Variants in NOD1 observed in about 807,000 individuals in gnomAD.
NOD1 encodes the protein nucleotide-binding oligomerization domain-containing protein 1.
NOD1 carries 70 observed loss-of-function variants against 81.2 expected under a neutral mutation model. The observed-to-expected ratio is 0.86, with a 90% CI of 0.71 to 1.05. NOD1 has a LOEUF of 1.05. Ranked by LOEUF, NOD1 falls within the 50% of genes least tolerant of loss-of-function variation. NOD1 has a pLI of 0.00. For synonymous variants in NOD1, 508 were observed against 526.9 expected (o/e 0.96, Z 0.49); for missense variants, 1,233 against 1,228.0 (o/e 1.00, Z -0.06).
At chr7:30,425,861 C>T in intron 13 of NOD1, 151 bp from the exon 14 acceptor site, 1 of 675,088 alleles carries the variant, frequency 1.5e-6, no homozygotes, top group Non-Finnish European at 2.7e-6. Flanking sequence ...GCAGATAGTT[C>T]CTTCATATTA....
At chr7:30,458,164 T>G (rs1238913115) in intron 3 of NOD1, among the ~76,000 whole-genome samples, 4 of 152,180 alleles carry the variant, frequency 2.6e-5, no homozygotes, top group Non-Finnish European at 5.9e-5. Context: ...TTCATCTGAG[T>G]TATCCCAAAA....
At chr7:30,428,164 C>T (rs1253146726) in intron 13 of NOD1, among the ~76,000 whole-genome samples, 1 of 152,180 alleles carries the variant, frequency 6.6e-6, no homozygotes, top group African/African-American at 2.4e-5. Flanking sequence ...GCCTTGATCT[C>T]CCATGCATCC....
At chr7:30,437,886 T>C (rs561271625) in intron 9 of NOD1, among the ~76,000 whole-genome samples, 9 of 152,328 alleles carry the variant, frequency 5.9e-5, no homozygotes, top group Non-Finnish European at 1.2e-4. Flanking sequence ...GGAAGCCTTG[T>C]GAACAGAGGC....
chr7:30,430,252 G>C (rs1302461390), intron 12 of NOD1, among the ~76,000 whole-genome samples: 2 of 152,108 alleles, frequency 1.3e-5, no homozygotes, highest in Non-Finnish European at 1.5e-5. Flanking sequence ...TTAATAATGG[G>C]GACTCTGAGA....
rs1785739192 is a variant in NOD1 at position 30,451,741 on chromosome 7, T to G, written c.1676A>C (p.Tyr559Ser). The G allele has an allele frequency of 6.2e-7, 1 of 1,613,614 alleles. No homozygotes were observed. The highest frequency in any genetic ancestry group is 8.5e-7 in the Non-Finnish European group (1 of 1,179,998). The change falls in exon 6 of 14, where the codon TAT (tyrosine) becomes TCT (serine). Residue 559 changes from tyrosine to serine, a missense_variant. Physicochemically the swap from Tyr to Ser is moderately radical, Grantham distance 144. Coordinates refer to ENST00000222823, the MANE Select transcript of NOD1 (RefSeq NM_006092.4). The surrounding 1 kb of genome is among the most constrained non-coding windows in gnomAD (Gnocchi z 4.2). ...GCACTGGAACGGGAGGAAGGGAGGA[T>G]AGCAGGACGTGGTCGCTGCCCCCGC... ...PPAGAATTSC[Y>S]PPFLPFQCLQ...
Position 30,477,198 on chromosome 7 carries a change from T to C in NOD1, c.-352+1408A>G, listed in dbSNP as rs75087944. Among the ~76,000 whole-genome samples the C allele has an allele frequency of 3.9e-4, 60 of 152,308 alleles. No individual in the cohort carries two copies. In the East Asian group the frequency reaches 0.011, roughly 28 times the overall value. ...TCCACTCCACAAAAATAAAACCTAC[T>C]CTTCTTACAATATTTGAAAGAGCCC... is the stretch of plus-strand genomic sequence containing the variant. On this transcript the variant is annotated intron_variant, in intron 1 of 13. Transcript: ENST00000222823.
chr7:30,438,927 A>G (rs1031146062), intron 9 of NOD1, among the ~76,000 whole-genome samples: 2 of 152,292 alleles, frequency 1.3e-5, no homozygotes, highest in South Asian at 4.1e-4. Flanking sequence ...AATTTTTATT[A>G]TTTTTCATAG....
intron 2 of NOD1, among the ~76,000 whole-genome samples, 159 bp from the exon 3 acceptor site, chr7:30,459,399 T>C (rs557023505): frequency 6.6e-6 from 1 of 152,328 alleles, no homozygotes; most frequent in African/African-American, 2.4e-5. Context: ...ATGTTCAACG[T>C]CCCCACCATA....
intron 1 of NOD1, chr7:30,469,316 A>G: frequency 1.2e-6 from 1 of 867,160 alleles, no homozygotes; most frequent in Non-Finnish European, 1.4e-6. Context: ...AAGTATCTGA[A>G]AGCACTTAAT....
In NOD1 at chr7:30,474,879, T is replaced by C. The variant is rs997783671; in HGVS notation, c.-352+3727A>G. 1.1e-4 allele frequency among the ~76,000 whole-genome samples: 16 copies of C among 152,366 alleles called. No individual in the cohort carries two copies. In the East Asian group the frequency reaches 2.7e-3, roughly 26 times the overall value. On this transcript the variant is annotated intron_variant, in intron 1 of 13. Transcript: ENST00000222823. ...CTCTATTTGAAATCATCAACACGCCTGTTTTCATATTAAGTATGAAACACT... is the reference window on the plus strand; with the variant it reads ...CTCTATTTGAAATCATCAACACGCCCGTTTTCATATTAAGTATGAAACACT...
intron 9 of NOD1, among the ~76,000 whole-genome samples, chr7:30,439,138 A>C (rs78930943): frequency 7.9e-5 from 12 of 152,320 alleles, no homozygotes; most frequent in African/African-American, 2.2e-4. Context: ...TGGGAACATA[A>C]AATGGTGCTG....
intron 1 of NOD1, chr7:30,460,257 G>T (rs1296534412): frequency 1.0e-6 from 1 of 985,316 alleles, no homozygotes; most frequent in African/African-American, 1.7e-5. Flanking sequence ...ATGGGAGACT[G>T]GAGATCAATT....
At chr7:30,446,398 T>C in intron 8 of NOD1, 174 bp from the exon 9 acceptor site, 1 of 613,746 alleles carries the variant, frequency 1.6e-6, no homozygotes, top group East Asian at 2.7e-5. Flanking sequence ...ACTGAAGCCC[T>C]GAGGACAGTC....
intron 6 of NOD1, among the ~76,000 whole-genome samples, chr7:30,449,758 C>T (rs932139793): frequency 3.3e-5 from 5 of 152,236 alleles, no homozygotes; most frequent in African/African-American, 1.2e-4. Context: ...AGCCAGAGAA[C>T]TGAGTGTGCT....
intron 6 of NOD1, among the ~76,000 whole-genome samples, chr7:30,450,703 C>A (rs1472422840): frequency 6.6e-6 from 1 of 152,202 alleles, no homozygotes; most frequent in Non-Finnish European, 1.5e-5. Context: ...TGAGGGCTAT[C>A]TCGGAGCCTT....
intron 1 of NOD1, among the ~76,000 whole-genome samples, chr7:30,474,043 G>C (rs1788531201): frequency 6.6e-6 from 1 of 152,178 alleles, no homozygotes; most frequent in Non-Finnish European, 1.5e-5. Context: ...GGGTCTACCA[G>C]ATCAGGCCTG....
At chr7:30,459,127 A>C (rs1337026140) in intron 3 of NOD1, 25 bp downstream of exon 3, 2 of 152,620 alleles carry the variant, frequency 1.3e-5, no homozygotes, top group African/African-American at 4.8e-5. Context: ...GACAATATTA[A>C]ATTTAAATTA....
At chr7:30,450,948 T>C (rs1785624375) in intron 6 of NOD1, among the ~76,000 whole-genome samples, 1 of 152,226 alleles carries the variant, frequency 6.6e-6, no homozygotes, top group Admixed American at 6.5e-5. Context: ...TTGATAGGAT[T>C]ATGAGCATCT....
chr7:30,473,259 C>T (rs1788456541), intron 1 of NOD1, among the ~76,000 whole-genome samples: 1 of 152,170 alleles, frequency 6.6e-6, no homozygotes, highest in Non-Finnish European at 1.5e-5. Flanking sequence ...GCCAAAGCCA[C>T]TGGGGTAAAG....
Sources: gnomAD v4.1 joint callset for allele counts (sites outside exome capture counted in the v4.1 genomes callset) on GRCh38, gnomAD v4.1.1 for gene constraint, Gnocchi (gnomAD v3.1) non-coding constraint, MANE v1.5 for transcripts, NCBI Gene and HGNC (gene_info 2026-07-23, HGNC 2026-07-21) for gene names.